The following TMEM132D variants were observed in gnomAD, a reference collection of about 807,000 sequenced individuals.
TMEM132D encodes the protein transmembrane protein 132D.
In TMEM132D, 21 loss-of-function variants were observed where a neutral mutation model predicts 62.3. That is an observed-to-expected ratio of 0.34 (90% CI 0.24 to 0.49). The LOEUF is 0.49. TMEM132D is among the 20% of genes least tolerant of loss of function. TMEM132D has a pLI of 0.99. For synonymous variants in TMEM132D, 621 were observed against 575.6 expected (o/e 1.08, Z -1.13); for missense variants, 1,346 against 1,402.8 (o/e 0.96, Z 0.65).
chr12:129,823,490 G>A (rs881001), intron 1 of TMEM132D, among the ~76,000 whole-genome samples: 12,777 of 152,298 alleles, frequency 0.084, 748 homozygotes, highest in East Asian at 0.33. Context: ...CATTTCCGTG[G>A]ACCAGCCAAG....
intron 5 of TMEM132D, among the ~76,000 whole-genome samples, chr12:129,105,916 G>T (rs1593262880): frequency 6.6e-6 from 1 of 150,708 alleles, no homozygotes; most frequent in Admixed American, 6.6e-5. Flanking sequence ...CCCATTACTG[G>T]GTATATACCC....
At position 129,349,954 on chromosome 12, in the gene TMEM132D, G is replaced by A. The variant is rs149948978; in HGVS notation, c.1116-12137C>T. The stretch of plus-strand genomic sequence containing the variant: ...TCACTTGGCATGGAGGTCAGTCTTC[G>A]GGGAAAGTAGAAAGAGCTAATCAAA... On this transcript the variant is annotated intron_variant, in intron 3 of 8. Coordinates refer to ENST00000422113, the MANE Select transcript of TMEM132D (RefSeq NM_133448.3). Among the ~76,000 whole-genome samples the A allele has an allele frequency of 3.3e-3, 506 of 152,238 alleles. 1 individual carries two copies. The highest frequency in any genetic ancestry group is 0.012 in the African/African-American group (478 of 41,536).
At chr12:129,075,104 C>T in intron 8 of TMEM132D, 45 bp from the exon 9 acceptor site, 2 of 1,523,018 alleles carry the variant, frequency 1.3e-6, no homozygotes, top group Non-Finnish European at 1.8e-6. Context: ...CCAAAAAGCT[C>T]ATTGAGCCCC....
chr12:129,793,900 G>C (rs1219737490), intron 1 of TMEM132D, among the ~76,000 whole-genome samples: 2 of 152,248 alleles, frequency 1.3e-5, no homozygotes, highest in Non-Finnish European at 2.9e-5. Flanking sequence ...CTATGGTGTT[G>C]TAGACACATA....
In TMEM132D at chr12:129,366,480, G is replaced by A. The variant is rs534555508; in HGVS notation, c.1116-28663C>T. ...CTTCTGCCATGATTGAAAGCTTCCC[G>A]AGACCTCCCCAGAAGCTGAGCAGAC... On this transcript the variant is annotated intron_variant, in intron 3 of 8. Transcript: ENST00000422113. Among the ~76,000 whole-genome samples the A allele has an allele frequency of 2.5e-4, 38 of 152,062 alleles. 1 individual carries two copies. The highest frequency in any genetic ancestry group is 7.4e-5 in the Non-Finnish European group (5 of 67,994).
At chr12:129,172,853 C>T (rs1014724079) in intron 5 of TMEM132D, among the ~76,000 whole-genome samples, 5 of 152,144 alleles carry the variant, frequency 3.3e-5, no homozygotes, top group African/African-American at 1.2e-4. Flanking sequence ...GCTGGGATTA[C>T]AGTGTGAGCC....
intron 5 of TMEM132D, among the ~76,000 whole-genome samples, chr12:129,123,333 A>AT (rs906137609): frequency 3.4e-4 from 52 of 151,290 alleles, no homozygotes; most frequent in East Asian, 1.6e-3. Flanking sequence ...TTAGTTGTTG[A>AT]TTTTTTTTTC....
Position 129,636,735 on chromosome 12 carries a change from TGTGA to T in TMEM132D, c.968+63071_968+63074del, listed in dbSNP as rs1336700825. Among the ~76,000 whole-genome samples the T allele has an allele frequency of 2.1e-3, 192 of 91,454 alleles. 1 individual carries two copies. The highest frequency in any genetic ancestry group is 6.5e-3 in the African/African-American group (164 of 25,072). 60.0% of individuals were successfully genotyped at this position (91,454 alleles called of 152,430 possible). On this transcript the variant is annotated intron_variant, in intron 2 of 8. Coordinates refer to ENST00000422113, the MANE Select transcript of TMEM132D (RefSeq NM_133448.3). ...GTGTGTGTGTGTGTGTGTGTGTGTGTGTGAGAGAGAGAGAGAGAGAGACAGAGAG... is the reference window on the plus strand; with the variant it reads ...GTGTGTGTGTGTGTGTGTGTGTGTGTGAGAGAGAGAGAGAGAGACAGAGAG...
intron 5 of TMEM132D, among the ~76,000 whole-genome samples, chr12:129,178,936 G>A (rs1301725862): frequency 6.6e-6 from 1 of 152,184 alleles, no homozygotes; most frequent in Non-Finnish European, 1.5e-5. Flanking sequence ...CGGGGCTTTT[G>A]CTCTCGCCAC....
chr12:129,284,698 A>G (rs1235820525), intron 4 of TMEM132D, among the ~76,000 whole-genome samples: 2 of 152,272 alleles, frequency 1.3e-5, no homozygotes, highest in African/African-American at 4.8e-5. Context: ...TTAACAAAAT[A>G]TAGCATATAA....
intron 5 of TMEM132D, among the ~76,000 whole-genome samples, chr12:129,134,178 GTC>G (rs1268822364): frequency 6.6e-6 from 1 of 150,462 alleles, no homozygotes; most frequent in African/African-American, 2.5e-5. Context: ...GTGTGTGTGT[GTC>G]TGTGTGTCTG....
chr12:129,249,664 C>A (rs1426804942), intron 4 of TMEM132D, among the ~76,000 whole-genome samples: 1 of 152,172 alleles, frequency 6.6e-6, no homozygotes, highest in Non-Finnish European at 1.5e-5. Flanking sequence ...GAGATTTATC[C>A]ATTTCCATGT....
intron 4 of TMEM132D, among the ~76,000 whole-genome samples, chr12:129,253,281 A>T (rs1326295771): frequency 6.6e-6 from 1 of 152,064 alleles, no homozygotes; most frequent in Non-Finnish European, 1.5e-5. Context: ...TTGCCTAGAA[A>T]CTACCAGAAA....
intron 4 of TMEM132D, among the ~76,000 whole-genome samples, chr12:129,281,253 T>C (rs1030514082): frequency 1.3e-5 from 2 of 152,144 alleles, no homozygotes; most frequent in Non-Finnish European, 2.9e-5. Context: ...TCCTGATCCC[T>C]ACTTTATCTT....
rs898598634 is a variant in TMEM132D at position 129,191,268 on chromosome 12, A to T, written c.1443+18252T>A. On this transcript the variant is annotated intron_variant, in intron 5 of 8. Transcript: ENST00000422113. ...GTGCATACATACACATATCTTGCCG[A>T]AAAGACACAGAGAAGGGAAATAGGA... is the stretch of plus-strand genomic sequence containing the variant. Among the ~76,000 whole-genome samples the T allele has an allele frequency of 2.8e-5, 4 of 145,188 alleles. No individual in the cohort carries two copies. The South Asian group carries it at 6.8e-4, about 25-fold the overall frequency.
intron 1 of TMEM132D, among the ~76,000 whole-genome samples, chr12:129,756,196 G>T (rs1320875022): frequency 1.3e-5 from 2 of 152,106 alleles, no homozygotes. Flanking sequence ...GGTTCCGGGG[G>T]TCTTCTGCTG....
At chr12:129,806,589 T>C (rs1322034330) in intron 1 of TMEM132D, among the ~76,000 whole-genome samples, 1 of 149,604 alleles carries the variant, frequency 6.7e-6, no homozygotes, top group Non-Finnish European at 1.5e-5. Context: ...ATACACCTAA[T>C]GCTAGATGAT....
intron 1 of TMEM132D, among the ~76,000 whole-genome samples, chr12:129,847,664 G>T (rs114246514): frequency 0.012 from 1,874 of 152,174 alleles, 39 homozygotes; most frequent in African/African-American, 0.042. Flanking sequence ...TGAGGTCTAC[G>T]TCCTTGCTCT....
chr12:129,296,461 G>C (rs998428552), intron 4 of TMEM132D, among the ~76,000 whole-genome samples: 1 of 152,194 alleles, frequency 6.6e-6, no homozygotes, highest in Non-Finnish European at 1.5e-5. Context: ...GTGCCAAATA[G>C]GAGAATACTT....
Sources: gnomAD v4.1 joint callset for allele counts (sites outside exome capture counted in the v4.1 genomes callset) on GRCh38, gnomAD v4.1.1 for gene constraint, MANE v1.5 for transcripts, NCBI Gene and HGNC (gene_info 2026-07-23, HGNC 2026-07-21) for gene names.